Variants in ASAP2 observed in about 807,000 individuals in gnomAD.
ASAP2 encodes ArfGAP with SH3 domain, ankyrin repeat and PH domain 2.
In ASAP2, 45 loss-of-function variants were observed where a neutral mutation model predicts 131.4. That is an observed-to-expected ratio of 0.34 (90% confidence interval 0.27 to 0.44). The LOEUF is 0.44. Ranked by LOEUF, ASAP2 falls within the 20% of genes least tolerant of loss-of-function variation. ASAP2 has a pLI of 1.00. For missense variants in ASAP2, 1,011 were observed against 1,297.0 expected, an observed-to-expected ratio of 0.78 and a Z score of 3.39; for synonymous variants, 510 against 503.0, an observed-to-expected ratio of 1.01 and a Z score of -0.19.
intron 14 of ASAP2, 107 bp from the exon 15 acceptor site, chr2:9,358,649 A>G: frequency 7.3e-7 from 1 of 1,372,604 alleles, no homozygotes; most frequent in Non-Finnish European, 9.8e-7. Context: ...GGATCAGAAA[A>G]TGCTCATGCT....
chr2:9,280,253 T>C (rs1667045844), intron 2 of ASAP2, among the ~76,000 whole-genome samples: 1 of 151,996 alleles, frequency 6.6e-6, no homozygotes. Context: ...CTTTCTTTAG[T>C]GAAAGGGGTG....
rs529739429 is a variant in ASAP2 at position 9,221,951 on chromosome 2, G to T, written c.126+14721G>T. On this transcript the variant is annotated intron_variant, in intron 1 of 27. Transcript: ENST00000281419. Reference sequence around the variant, plus strand: ...TGGGACTACAGGTGCCCGCCACCACGCCTGGCTAATTTTTTTTTTTTTGTA... The same window carrying T: ...TGGGACTACAGGTGCCCGCCACCACTCCTGGCTAATTTTTTTTTTTTTGTA... Among the ~76,000 whole-genome samples the T allele has an allele frequency of 2.0e-5, 3 of 151,850 alleles. No homozygotes were observed. The East Asian group carries it at 5.8e-4, about 29-fold the overall frequency.
At chr2:9,319,870 A>G (rs1353730060) in intron 4 of ASAP2, among the ~76,000 whole-genome samples, 1 of 152,214 alleles carries the variant, frequency 6.6e-6, no homozygotes, top group Non-Finnish European at 1.5e-5. Context: ...TTGGGCTTAA[A>G]GCAGGGTTAG....
intron 1 of ASAP2, among the ~76,000 whole-genome samples, chr2:9,213,779 CT>C (rs1558238749): frequency 6.6e-6 from 1 of 152,212 alleles, no homozygotes; most frequent in African/African-American, 2.4e-5. Context: ...TCCAAGCCCC[CT>C]GAACAGACCT....
At chr2:9,214,989 C>T (rs574538224) in intron 1 of ASAP2, among the ~76,000 whole-genome samples, 8 of 152,300 alleles carry the variant, frequency 5.3e-5, no homozygotes, top group Middle Eastern at 6.8e-3. Context: ...TAATCACAGT[C>T]ATGCATTGCT....
At position 9,254,994 on chromosome 2, in the gene ASAP2, A is replaced by C. The variant is rs147437107; in HGVS notation, c.127-24323A>C. 3.3e-5 allele frequency among the ~76,000 whole-genome samples: 5 copies of C among 152,334 alleles called. No individual in the cohort carries two copies. In the East Asian group the frequency reaches 9.6e-4, roughly 29 times the overall value. On this transcript the variant is annotated intron_variant, in intron 1 of 27. Transcript: ENST00000281419. Reference sequence around the variant, plus strand: ...GCTAAGTGTGTGTTTAACTTTATCAAATGCTGCCATCCCATTTTCCAAAGT... The same window carrying C: ...GCTAAGTGTGTGTTTAACTTTATCACATGCTGCCATCCCATTTTCCAAAGT...
intron 1 of ASAP2, among the ~76,000 whole-genome samples, chr2:9,242,618 G>A (rs762905828): frequency 2.6e-4 from 39 of 152,182 alleles, no homozygotes; most frequent in Admixed American, 8.5e-4. Flanking sequence ...ATAGCTGGTC[G>A]CGGGATCACC....
chr2:9,226,149 A>T, intron 1 of ASAP2, among the ~76,000 whole-genome samples: 2 of 152,356 alleles, frequency 1.3e-5, no homozygotes, highest in Admixed American at 1.3e-4. Context: ...TTGAAGTCCC[A>T]CAGCTGGCTG....
At chr2:9,376,677 A>G (rs1674425222) in intron 17 of ASAP2, among the ~76,000 whole-genome samples, 1 of 152,180 alleles carries the variant, frequency 6.6e-6, no homozygotes, top group Admixed American at 6.5e-5. Context: ...AAACTCCTGA[A>G]CTTCTCATTT....
Position 9,231,687 on chromosome 2 carries a change from T to A in ASAP2, c.126+24457T>A, listed in dbSNP as rs376932865. On this transcript the variant is annotated intron_variant, in intron 1 of 27. Coordinates refer to ENST00000281419, the MANE Select transcript of ASAP2 (RefSeq NM_003887.3). ...TGTCTGTCTGCCTGGCCCTTGGGTG[T>A]CCCTGGCATCTGCATGCTGTGTTCC... is the stretch of plus-strand genomic sequence containing the variant. Among the ~76,000 whole-genome samples the A allele has an allele frequency of 2.6e-5, 4 of 152,176 alleles. No homozygotes were observed. In the East Asian group the frequency reaches 7.7e-4, roughly 29 times the overall value.
At chr2:9,303,671 C>T (rs1160769440) in intron 3 of ASAP2, among the ~76,000 whole-genome samples, 1 of 152,232 alleles carries the variant, frequency 6.6e-6, no homozygotes, top group African/African-American at 2.4e-5. Flanking sequence ...TCTATACTCA[C>T]AAATCTCTAA....
intron 2 of ASAP2, among the ~76,000 whole-genome samples, chr2:9,288,859 C>A (rs1364718655): frequency 6.6e-6 from 1 of 152,082 alleles, no homozygotes; most frequent in African/African-American, 2.4e-5. Flanking sequence ...AGGAGGGAAG[C>A]AGCTCTCTGG....
At position 9,393,614 on chromosome 2, in the gene ASAP2, C is replaced by T. The variant is rs1411577843; in HGVS notation, c.2651C>T (p.Pro884Leu). ...CCCCCACCTCTGCCCCCACAGCCGCCCAGCCGCCTCCCGCAGAAGAAGCCT... is the reference window on the plus strand; with the variant it reads ...CCCCCACCTCTGCCCCCACAGCCGCTCAGCCGCCTCCCGCAGAAGAAGCCT... ...IRPPPLPPQP[P>L]SRLPQKKPAP... The change falls in exon 24 of 28, where the codon CCC becomes CTC. Residue 884 changes from proline (P) to leucine (L), a missense_variant. Around this residue, in one of 2 missense-constraint regions of ASAP2, gnomAD observed 652 missense variants for 698.9 expected, o/e 0.93. Transcript: ENST00000281419. 1 of 1,587,986 alleles carries T rather than the reference C, an allele frequency of 6.3e-7. No homozygotes were observed. The highest frequency in any genetic ancestry group is 8.5e-7 in the Non-Finnish European group (1 of 1,169,734).
At chr2:9,241,616 C>T (rs1663973657) in intron 1 of ASAP2, among the ~76,000 whole-genome samples, 1 of 152,184 alleles carries the variant, frequency 6.6e-6, no homozygotes, top group South Asian at 2.1e-4. Flanking sequence ...CCACTGCACT[C>T]CAGCCTGGAG....
intron 1 of ASAP2, among the ~76,000 whole-genome samples, chr2:9,228,636 T>C (rs2148014301): frequency 6.6e-6 from 1 of 152,328 alleles, no homozygotes; most frequent in Middle Eastern, 3.4e-3. Flanking sequence ...GAATGGTCTC[T>C]TTCCATCTGG....
chr2:9,270,841 G>T (rs1188791868), intron 1 of ASAP2, among the ~76,000 whole-genome samples: 9 of 132,398 alleles, frequency 6.8e-5, no homozygotes, highest in African/African-American at 2.7e-4. Context: ...CGCCCAGGCT[G>T]GAGTGCAGTG....
chr2:9,295,315 A>G (rs1668086686), intron 2 of ASAP2, among the ~76,000 whole-genome samples: 1 of 152,232 alleles, frequency 6.6e-6, no homozygotes, highest in Admixed American at 6.5e-5. Context: ...TTGAGCCCTA[A>G]TTGCCTAATA....
At chr2:9,365,907 C>T (rs1420878621) in intron 15 of ASAP2, among the ~76,000 whole-genome samples, 1 of 152,130 alleles carries the variant, frequency 6.6e-6, no homozygotes, top group Non-Finnish European at 1.5e-5. Context: ...CTGAGCTACC[C>T]TGGGTGATAC....
chr2:9,215,350 G>GC (rs376985677), intron 1 of ASAP2, among the ~76,000 whole-genome samples: 75 of 152,132 alleles, frequency 4.9e-4, no homozygotes, highest in African/African-American at 1.7e-3. Flanking sequence ...TTTTTACCAT[G>GC]CTCATAATGC....
Sources: gnomAD v4.1 joint callset for allele counts (sites outside exome capture counted in the v4.1 genomes callset) on GRCh38, gnomAD v4.1.1 for gene constraint, gnomAD v4.1.1 regional missense constraint, MANE v1.5 for transcripts, NCBI Gene and HGNC (gene_info 2026-07-23, HGNC 2026-07-21) for gene names.